The following ANO10 variants were observed in gnomAD, a reference collection of about 807,000 sequenced individuals.
ANO10 encodes the protein anoctamin-10.
ANO10 carries 77 observed loss-of-function variants against 74.7 expected under a neutral mutation model. That is an observed-to-expected ratio of 1.03 (90% confidence interval 0.86 to 1.25). ANO10 has a LOEUF of 1.25. Among genes scored for constraint, ANO10 ranks in the 50% most tolerant of loss-of-function variants. The pLI is 0.00. For missense variants in ANO10, 721 were observed against 778.1 expected, an observed-to-expected ratio of 0.93 and a Z score of 0.87; for synonymous variants, 279 against 284.9, an observed-to-expected ratio of 0.98 and a Z score of 0.21.
intron 11 of ANO10, among the ~76,000 whole-genome samples, chr3:43,503,127 G>T (rs1311612668): frequency 2.6e-5 from 4 of 152,044 alleles, no homozygotes; most frequent in South Asian, 2.1e-4. Context: ...TGGGAAAAAA[G>T]AAAAAATGCA....
chr3:43,596,218 C>A (rs1276153433), intron 4 of ANO10, among the ~76,000 whole-genome samples: 2 of 152,164 alleles, frequency 1.3e-5, no homozygotes, highest in Non-Finnish European at 2.9e-5. Context: ...ATGCCATCCC[C>A]ATCAAGCTAC....
At chr3:43,383,166 A>G (rs1411762341) in intron 12 of ANO10, among the ~76,000 whole-genome samples, 1 of 152,212 alleles carries the variant, frequency 6.6e-6, no homozygotes, top group Non-Finnish European at 1.5e-5. Context: ...CAAAAAGATA[A>G]TCCATGGCCG....
intron 12 of ANO10, among the ~76,000 whole-genome samples, chr3:43,383,974 A>G (rs190096653): frequency 5.3e-5 from 8 of 152,344 alleles, no homozygotes; most frequent in Admixed American, 5.2e-4. Context: ...AGAGGAAATC[A>G]AACTGCTGCT....
chr3:43,378,742 T>C (rs2091881828), intron 12 of ANO10, among the ~76,000 whole-genome samples: 1 of 152,182 alleles, frequency 6.6e-6, no homozygotes, highest in Admixed American at 6.5e-5. Flanking sequence ...GTCATCAGAA[T>C]TGCAGGCACT....
chr3:43,506,819 C>T (rs1323935561), intron 11 of ANO10, among the ~76,000 whole-genome samples: 5 of 152,274 alleles, frequency 3.3e-5, no homozygotes, highest in Admixed American at 1.3e-4. Context: ...AACTATACCA[C>T]CACCCCCACC....
chr3:43,487,681 A>T (rs1190224814), intron 11 of ANO10, among the ~76,000 whole-genome samples: 7 of 151,884 alleles, frequency 4.6e-5, no homozygotes, highest in Admixed American at 4.6e-4. Context: ...TGCATCTATT[A>T]GATTCTTCTC....
intron 11 of ANO10, among the ~76,000 whole-genome samples, chr3:43,493,172 A>G (rs1216415952): frequency 6.6e-6 from 1 of 152,162 alleles, no homozygotes; most frequent in East Asian, 1.9e-4. Flanking sequence ...AAACTATCAC[A>G]AGATCAGAAA....
rs201601557 is a variant in ANO10 at position 43,448,125 on chromosome 3, C to CT, written c.1798-15399dup. Among the ~76,000 whole-genome samples the CT allele has an allele frequency of 5.1e-3, 783 of 152,264 alleles. 5 individuals carry two copies. The highest frequency in any genetic ancestry group is 0.017 in the African/African-American group (711 of 41,538). ...CTACCACATGAGGATTCAAGAAGGC[C>CT]TAAGAATCAAATCTGCCAGCATCTT... On this transcript the variant is annotated intron_variant, in intron 11 of 12. Coordinates refer to ENST00000292246, the MANE Select transcript of ANO10 (RefSeq NM_018075.5).
chr3:43,513,304 G>A (rs1234769183), intron 11 of ANO10, among the ~76,000 whole-genome samples: 2 of 152,094 alleles, frequency 1.3e-5, no homozygotes, highest in Non-Finnish European at 2.9e-5. Context: ...TTACGAAGGA[G>A]GAGAAAAATG....
rs143483754 is a variant in ANO10 at position 43,468,579 on chromosome 3, C to G, written c.1798-35852G>C. 3.2e-4 allele frequency among the ~76,000 whole-genome samples: 48 copies of G among 152,316 alleles called. No homozygotes were observed. In the East Asian group the frequency reaches 8.9e-3, roughly 28 times the overall value. On this transcript the variant is annotated intron_variant, in intron 11 of 12. Coordinates refer to ENST00000292246, the MANE Select transcript of ANO10 (RefSeq NM_018075.5). The stretch of plus-strand genomic sequence containing the variant: ...TAAATCAAGCTTTACAAAGTTCCCA[C>G]AGCACCCAATGTTTCACCTGTTTTC...
intron 7 of ANO10, among the ~76,000 whole-genome samples, chr3:43,573,695 C>A (rs1020414390): frequency 2.6e-5 from 4 of 152,208 alleles, no homozygotes; most frequent in East Asian, 3.9e-4. Context: ...GAAAGAGGCA[C>A]GACATGTCAG....
intron 2 of ANO10, among the ~76,000 whole-genome samples, chr3:43,601,727 A>T (rs1453902260): frequency 6.6e-6 from 1 of 152,240 alleles, no homozygotes; most frequent in Non-Finnish European, 1.5e-5. Context: ...TGGCTCTTAA[A>T]TATAAGATCC....
chr3:43,368,239 T>G (rs2091476784), intron 12 of ANO10, among the ~76,000 whole-genome samples: 2 of 152,098 alleles, frequency 1.3e-5, no homozygotes, highest in Admixed American at 6.5e-5. Flanking sequence ...AGATGGCTTT[T>G]GATGAGAAAG....
intron 11 of ANO10, among the ~76,000 whole-genome samples, chr3:43,523,640 G>A (rs2078057039): frequency 2.0e-5 from 3 of 152,148 alleles, no homozygotes; most frequent in South Asian, 4.1e-4. Flanking sequence ...CTAACCCCAA[G>A]TTCTGGTTAT....
At chr3:43,520,344 G>C (rs2077895672) in intron 11 of ANO10, among the ~76,000 whole-genome samples, 1 of 152,170 alleles carries the variant, frequency 6.6e-6, no homozygotes, top group African/African-American at 2.4e-5. Flanking sequence ...CAGAGGCTGG[G>C]AAGTCCAAGA....
At chr3:43,453,463 G>A (rs1198614653) in intron 11 of ANO10, among the ~76,000 whole-genome samples, 3 of 152,284 alleles carry the variant, frequency 2.0e-5, no homozygotes, top group Non-Finnish European at 4.4e-5. Flanking sequence ...ACAGGCATGA[G>A]CCACCGCACC....
intron 11 of ANO10, among the ~76,000 whole-genome samples, chr3:43,478,855 C>A (rs2076167753): frequency 6.6e-6 from 1 of 152,192 alleles, no homozygotes; most frequent in South Asian, 2.1e-4. Flanking sequence ...CCTTAGACTT[C>A]CAAATTGTCT....
rs200003101 is a variant in ANO10, at chr3:43,526,922, G to A, written c.1797+22798C>T. On this transcript the variant is annotated intron_variant, in intron 11 of 12. Coordinates refer to ENST00000292246, the MANE Select transcript of ANO10 (RefSeq NM_018075.5). ...TTGACCTCAACAATAATGAAAAACA[G>A]TATATATTTATAAAATACACACATA... 8.6e-5 allele frequency among the ~76,000 whole-genome samples: 4 copies of A among 46,774 alleles called. No individual in the cohort carries two copies. In the East Asian group the frequency reaches 0.017, roughly 198 times the overall value. 30.7% of individuals were successfully genotyped at this position (46,774 alleles called of 152,430 possible).
chr3:43,537,224 A>G (rs1388245307), intron 11 of ANO10, among the ~76,000 whole-genome samples: 4 of 152,160 alleles, frequency 2.6e-5, no homozygotes. Context: ...CTGTGGAAGA[A>G]TATCATTGGT....
Sources: allele counts gnomAD v4.1 joint callset (sites outside exome capture counted in the v4.1 genomes callset), GRCh38; gene constraint gnomAD v4.1.1; transcripts MANE v1.5; gene names NCBI Gene and HGNC (gene_info 2026-07-23, HGNC 2026-07-21).